RB1CC1: variants seen among roughly 807,000 people sequenced by gnomAD.
RB1CC1 encodes the protein RB1-inducible coiled-coil protein 1.
In RB1CC1, 46 loss-of-function variants were observed where a neutral mutation model predicts 177.5. The ratio of observed to expected loss-of-function variants is 0.26; its 90% CI spans 0.20 to 0.33. RB1CC1 has a LOEUF of 0.33. Among genes scored for constraint, RB1CC1 ranks in the 10% least tolerant of loss-of-function variants. The probability of loss-of-function intolerance (pLI) is 1.00; values close to 1 mark genes in which losing one functional copy is unlikely to be tolerated. For missense variants in RB1CC1, 1,703 were observed against 1,816.3 expected, an observed-to-expected ratio of 0.94 and a Z score of 1.13; for synonymous variants, 666 against 613.6, an observed-to-expected ratio of 1.09 and a Z score of -1.26.
At chr8:52,700,930 T>C (rs1855988949) in intron 1 of RB1CC1, among the ~76,000 whole-genome samples, 2 of 152,196 alleles carry the variant, frequency 1.3e-5, no homozygotes, top group African/African-American at 2.4e-5. Context: ...TTGAATTGAA[T>C]TTCCCTGGAC....
At chr8:52,677,946 G>A (rs1207401620) in intron 5 of RB1CC1, among the ~76,000 whole-genome samples, 1 of 152,124 alleles carries the variant, frequency 6.6e-6, no homozygotes, top group Non-Finnish European at 1.5e-5. Context: ...GAAAATGTAG[G>A]AGGAAGATTC....
intron 18 of RB1CC1, among the ~76,000 whole-genome samples, chr8:52,639,654 ATT>A (rs1043450533): frequency 6.6e-6 from 1 of 152,178 alleles, no homozygotes; most frequent in African/African-American, 2.4e-5. Context: ...TTTGCTAAGG[ATT>A]TTGTTAAATT....
At chr8:52,654,956 T>C (rs924215041) in intron 15 of RB1CC1, among the ~76,000 whole-genome samples, 39 of 152,180 alleles carry the variant, frequency 2.6e-4, no homozygotes, top group Admixed American at 2.2e-3. Flanking sequence ...AGTTCTATAA[T>C]GAGGTCTATT....
chr8:52,682,724 T>C (rs1164155353), intron 5 of RB1CC1, among the ~76,000 whole-genome samples: 2 of 152,148 alleles, frequency 1.3e-5, no homozygotes, highest in African/African-American at 4.8e-5. Context: ...CTCTAAAAGA[T>C]TCTATTATGT....
At chr8:52,632,467 C>T (rs1374544819) in intron 20 of RB1CC1, among the ~76,000 whole-genome samples, 1 of 152,162 alleles carries the variant, frequency 6.6e-6, no homozygotes, top group Admixed American at 6.5e-5. Context: ...GGTCTATATC[C>T]TGCCAGTGAA....
At chr8:52,700,998 A>G (rs1207498202) in intron 1 of RB1CC1, among the ~76,000 whole-genome samples, 5 of 152,222 alleles carry the variant, frequency 3.3e-5, no homozygotes, top group African/African-American at 7.2e-5. Context: ...CCTAATTACT[A>G]AAGATTCTAC....
intron 15 of RB1CC1, among the ~76,000 whole-genome samples, chr8:52,649,074 T>C (rs545384060): frequency 4.9e-4 from 74 of 152,206 alleles, no homozygotes; most frequent in Non-Finnish European, 1.0e-3. Context: ...TTTCATTTAA[T>C]ACTTTCGAAC....
At chr8:52,669,862 G>A (rs1033931555) in intron 7 of RB1CC1, among the ~76,000 whole-genome samples, 2 of 152,140 alleles carry the variant, frequency 1.3e-5, no homozygotes, top group Admixed American at 6.5e-5. Flanking sequence ...TGAATACAAC[G>A]TATCTGAATT....
intron 15 of RB1CC1, among the ~76,000 whole-genome samples, chr8:52,647,516 G>T (rs933457057): frequency 1.3e-5 from 2 of 152,032 alleles, no homozygotes; most frequent in African/African-American, 4.8e-5. Flanking sequence ...GCTTACTAAG[G>T]AACACAAAGA....
chr8:52,673,806 GT>G (rs1852819765), intron 7 of RB1CC1, 38 bp downstream of exon 7: 5 of 1,515,216 alleles, frequency 3.3e-6, no homozygotes, highest in African/African-American at 1.4e-5. Flanking sequence ...ATATAAAGTA[GT>G]AAAATGACAA....
intron 8 of RB1CC1, among the ~76,000 whole-genome samples, chr8:52,664,441 T>A (rs1851888443): frequency 6.6e-6 from 1 of 152,142 alleles, no homozygotes; most frequent in African/African-American, 2.4e-5. Context: ...ACCACTCAGG[T>A]ATCGAAGAAA....
At position 52,676,565 on chromosome 8, in the gene RB1CC1, A is replaced by G. The variant is rs377453847; in HGVS notation, c.376T>C (p.Tyr126His). 6.2e-7 allele frequency: 1 copy of G among 1,600,694 alleles called. No individual in the cohort carries two copies. The highest frequency in any genetic ancestry group is 8.5e-7 in the Non-Finnish European group (1 of 1,174,038). The change falls in exon 6 of 24, where the codon TAT becomes CAT. Residue 126 changes from tyrosine to histidine, a missense_variant. Tyr to His is a moderately conservative substitution (Grantham distance 83). Around this residue, in one of 6 missense-constraint regions of RB1CC1, gnomAD observed 315 missense variants for 304.9 expected, o/e 1.03. Coordinates refer to ENST00000025008, the MANE Select transcript of RB1CC1 (RefSeq NM_014781.5). ...ASRTQLALEM[Y>H]EVAKKLCSFC... Reference sequence around the variant, plus strand: ...GAACAAAGTTTCTTGGCAACTTCATACATTTCCTATATTGAAAAAGAATAC... The same window carrying G: ...GAACAAAGTTTCTTGGCAACTTCATGCATTTCCTATATTGAAAAAGAATAC...
intron 13 of RB1CC1, among the ~76,000 whole-genome samples, chr8:52,658,579 GAAAAAAA>G (rs67680393): frequency 1.1e-4 from 11 of 98,804 alleles, no homozygotes; most frequent in Admixed American, 6.1e-4. Flanking sequence ...TCCGTCTCAA[GAAAAAAA>G]AAAAAAAAAA....
Position 52,642,792 on chromosome 8 carries a change from TA to T in RB1CC1, c.4007del (p.Leu1336Ter), listed in dbSNP as rs1342943806. On this transcript the variant is annotated frameshift_variant, in exon 17 of 24. Coordinates refer to ENST00000025008, the MANE Select transcript of RB1CC1 (RefSeq NM_014781.5). LOFTEE classifies it high-confidence loss of function. ...AEQQTNFNTV[L>X]TREKMRKENI... ...TTTCTTTTCTCATTTTCTCTCTTGT[TA>T]AAACAGTGTTAAAATTGGTCTGGAA... The T allele has an allele frequency of 1.3e-6, 2 of 1,562,068 alleles. No individual in the cohort carries two copies. The highest frequency in any genetic ancestry group is 4.3e-5 in the Admixed American group (2 of 46,616).
intron 5 of RB1CC1, among the ~76,000 whole-genome samples, chr8:52,678,663 C>A (rs1383109619): frequency 6.6e-6 from 1 of 151,916 alleles, no homozygotes; most frequent in South Asian, 2.1e-4. Flanking sequence ...GATAAGGATG[C>A]CAAAATTATG....
intron 7 of RB1CC1, among the ~76,000 whole-genome samples, chr8:52,669,601 C>T (rs1852371869): frequency 1.3e-5 from 2 of 152,152 alleles, no homozygotes; most frequent in African/African-American, 4.8e-5. Flanking sequence ...GAATAGGCAC[C>T]ACTAGTTTTG....
intron 5 of RB1CC1, among the ~76,000 whole-genome samples, chr8:52,679,725 CACT>C (rs1253308991): frequency 6.6e-6 from 1 of 152,106 alleles, no homozygotes; most frequent in African/African-American, 2.4e-5. Context: ...AGGTTCACAC[CACT>C]ATTGCAGACA....
chr8:52,667,991 C>A, intron 8 of RB1CC1, 30 bp downstream of exon 8: 1 of 1,581,552 alleles, frequency 6.3e-7, no homozygotes, highest in South Asian at 1.2e-5. Flanking sequence ...CTATAAATTC[C>A]TTTTCCTGAG....
rs556381942 is a variant in RB1CC1, at chr8:52,687,693, G to C, written c.-166-726C>G. Reference sequence around the variant, plus strand: ...CTTGACAACCACCACAAGCCCATAAGCAGATCCTTTCCTAGTTGAGCCTCA... The same window carrying C: ...CTTGACAACCACCACAAGCCCATAACCAGATCCTTTCCTAGTTGAGCCTCA... On this transcript the variant is annotated intron_variant, in intron 1 of 23. Coordinates refer to ENST00000025008, the MANE Select transcript of RB1CC1 (RefSeq NM_014781.5). Among the ~76,000 whole-genome samples the C allele has an allele frequency of 9.2e-5, 14 of 152,246 alleles. 1 individual carries two copies. In the South Asian group the frequency reaches 2.9e-3, roughly 32 times the overall value.
Sources: gnomAD v4.1 joint callset for allele counts (sites outside exome capture counted in the v4.1 genomes callset) on GRCh38, gnomAD v4.1.1 for gene constraint, gnomAD v4.1.1 regional missense constraint, MANE v1.5 for transcripts, NCBI Gene and HGNC (gene_info 2026-07-23, HGNC 2026-07-21) for gene names.